Variants in PXDC1 observed in about 807,000 individuals in gnomAD.
PXDC1 encodes the protein PX domain containing 1.
In PXDC1, 13 loss-of-function variants were observed where a neutral mutation model predicts 24.4. The ratio of observed to expected loss-of-function variants is 0.53; its 90% CI spans 0.35 to 0.85. PXDC1 has a LOEUF of 0.85. Ranked by LOEUF, PXDC1 falls within the 40% of genes least tolerant of loss-of-function variation. The pLI is 0.01. For synonymous variants in PXDC1, 162 were observed against 124.9 expected (o/e 1.30, Z -1.98); for missense variants, 344 against 309.3 (o/e 1.11, Z -0.84).
chr6:3,751,185 C>T lies in PXDC1; in HGVS notation c.256+91G>A, dbSNP rs113900187. 1,409 of 1,016,904 alleles carry T rather than the reference C, an allele frequency of 1.4e-3. 16 individuals are homozygous for T. In the African/African-American group the frequency reaches 0.022, roughly 16 times the overall value. The allele number at this position is 1,016,904 out of a possible 1,614,324, so 63.0% of individuals were successfully genotyped here. ...TCCAGGGCGGGCAGAAAGGAGAAGT[C>T]GCAATCTCGGTTGAAGTCTCTTCCC... is the stretch of plus-strand genomic sequence containing the variant. On this transcript the variant is annotated intron_variant, in intron 1 of 4. Transcript: ENST00000380283.
chr6:3,727,480 G>A, intron 4 of PXDC1, 71 bp downstream of exon 4: 3 of 1,067,374 alleles, frequency 2.8e-6, no homozygotes, highest in Non-Finnish European at 4.3e-6. Flanking sequence ...CATAAGAACA[G>A]TGAGCCCCCA....
chr6:3,729,180 G>C (rs1760141185), intron 3 of PXDC1, among the ~76,000 whole-genome samples: 1 of 152,028 alleles, frequency 6.6e-6, no homozygotes, highest in Admixed American at 6.6e-5. Context: ...ATTTAGCCTG[G>C]TTCATTCCCG....
intron 3 of PXDC1, among the ~76,000 whole-genome samples, chr6:3,731,822 C>A (rs183867522): frequency 5.9e-4 from 90 of 152,220 alleles, no homozygotes; most frequent in African/African-American, 2.0e-3. Context: ...CAGAGTGATT[C>A]GATTGAGGTG....
At position 3,722,702 on chromosome 6, in the gene PXDC1, T is replaced by A. The variant is rs1759966462; in HGVS notation, c.*917A>T. The A allele has an allele frequency of 6.5e-6, 1 of 152,672 alleles. No homozygotes were observed. The highest frequency in any genetic ancestry group is 1.5e-5 in the Non-Finnish European group (1 of 68,038). 9.5% of individuals were successfully genotyped at this position (152,672 alleles called of 1,614,324 possible). ...AGAATTCTCAATAATTTACTATTAT[T>A]TACATTAGCAAATGTCGGTCGTTAG... On this transcript the variant is annotated 3_prime_UTR_variant, in exon 5 of 5. Transcript: ENST00000380283.
intron 1 of PXDC1, among the ~76,000 whole-genome samples, chr6:3,748,055 G>A (rs996790028): frequency 6.6e-6 from 1 of 152,180 alleles, no homozygotes; most frequent in Admixed American, 6.5e-5. Context: ...AAAAAGTCTA[G>A]GAGCCTCAAA....
Position 3,722,716 on chromosome 6 carries a change from G to A in PXDC1, c.*903C>T, listed in dbSNP as rs762747196. 3.9e-5 allele frequency: 6 copies of A among 152,644 alleles called. No individual in the cohort carries two copies. The highest frequency in any genetic ancestry group is 5.9e-5 in the Non-Finnish European group (4 of 68,040). 9.5% of individuals were successfully genotyped at this position (152,644 alleles called of 1,614,324 possible). ...TTTACTATTATTTACATTAGCAAAT[G>A]TCGGTCGTTAGTAGACACTGAGCAG... is the stretch of plus-strand genomic sequence containing the variant. On this transcript the variant is annotated 3_prime_UTR_variant, in exon 5 of 5. Transcript: ENST00000380283.
At chr6:3,727,747 C>T in intron 3 of PXDC1, 85 bp from the exon 4 acceptor site, 1 of 832,696 alleles carries the variant, frequency 1.2e-6, no homozygotes. Context: ...CATCTCCCTG[C>T]TTTCTCCTCC....
At chr6:3,727,498 A>G in intron 4 of PXDC1, 53 bp downstream of exon 4, 1 of 1,314,238 alleles carries the variant, frequency 7.6e-7, no homozygotes, top group Non-Finnish European at 1.1e-6. Context: ...CCATCCCACA[A>G]GGCAAATGGC....
At chr6:3,735,206 T>C (rs1317606843) in intron 3 of PXDC1, among the ~76,000 whole-genome samples, 1 of 152,134 alleles carries the variant, frequency 6.6e-6, no homozygotes, top group Non-Finnish European at 1.5e-5. Flanking sequence ...TTTCAAAATA[T>C]ACGACAGAGC....
intron 1 of PXDC1, among the ~76,000 whole-genome samples, chr6:3,748,023 G>C (rs1397776916): frequency 1.3e-5 from 2 of 152,198 alleles, no homozygotes; most frequent in African/African-American, 2.4e-5. Context: ...CACAAAGCCT[G>C]AAACTATAGA....
At chr6:3,743,827 T>C (rs559618314) in intron 1 of PXDC1, among the ~76,000 whole-genome samples, 38 of 152,310 alleles carry the variant, frequency 2.5e-4, no homozygotes, top group African/African-American at 8.4e-4. Flanking sequence ...CACGCTGCAA[T>C]GCATCAGGGG....
chr6:3,738,293 A>G, intron 1 of PXDC1, 145 bp from the exon 2 acceptor site: 1 of 667,604 alleles, frequency 1.5e-6, no homozygotes, highest in Admixed American at 2.4e-5. Context: ...TTATGCACCT[A>G]TAGCCGCTTT....
At chr6:3,746,828 T>C (rs1315294765) in intron 1 of PXDC1, among the ~76,000 whole-genome samples, 3 of 152,058 alleles carry the variant, frequency 2.0e-5, no homozygotes, top group Non-Finnish European at 4.4e-5. Context: ...GAGAACAGCA[T>C]GAGCAGGTTC....
intron 3 of PXDC1, among the ~76,000 whole-genome samples, chr6:3,736,672 C>T (rs1380554800): frequency 1.3e-5 from 2 of 152,190 alleles, no homozygotes; most frequent in Non-Finnish European, 2.9e-5. Context: ...GCTAAGGAGA[C>T]CTAAAGCCTG....
intron 1 of PXDC1, among the ~76,000 whole-genome samples, chr6:3,741,768 C>T (rs1760453376): frequency 1.3e-5 from 2 of 152,250 alleles, no homozygotes; most frequent in South Asian, 4.1e-4. Context: ...CCCGCCCCCA[C>T]TCAAGAAGTG....
At chr6:3,726,156 T>A (rs1359556707) in intron 4 of PXDC1, among the ~76,000 whole-genome samples, 7 of 152,124 alleles carry the variant, frequency 4.6e-5, no homozygotes, top group African/African-American at 1.7e-4. Flanking sequence ...CACTGCAGAC[T>A]CAGAGCCTGC....
intron 1 of PXDC1, among the ~76,000 whole-genome samples, chr6:3,746,244 G>A (rs562728953): frequency 1.3e-5 from 2 of 152,326 alleles, no homozygotes; most frequent in Admixed American, 1.3e-4. Flanking sequence ...AGATCTGTCG[G>A]GGGGGCAGCA....
rs1759985020 is a variant in PXDC1, at chr6:3,723,465, T to C, written c.*154A>G. Reference sequence around the variant, plus strand: ...CCACTAGGAGCCCCTGCTGCTCCACTTGCAGGACACCCAGGCCTCCTGGCG... The same window carrying C: ...CCACTAGGAGCCCCTGCTGCTCCACCTGCAGGACACCCAGGCCTCCTGGCG... On this transcript the variant is annotated 3_prime_UTR_variant, in exon 5 of 5. Coordinates refer to ENST00000380283, the MANE Select transcript of PXDC1 (RefSeq NM_183373.4). 1.5e-6 allele frequency: 1 copy of C among 680,942 alleles called. No homozygotes were observed. The highest frequency in any genetic ancestry group is 2.7e-6 in the Non-Finnish European group (1 of 377,114). The allele number at this position is 680,942 out of a possible 1,614,324, so 42.2% of individuals were successfully genotyped here. A position where few individuals can be genotyped will look rare whatever the true frequency, so the allele number is the denominator to read the frequency against.
chr6:3,735,413 G>A (rs923798672), intron 3 of PXDC1, among the ~76,000 whole-genome samples: 6 of 152,182 alleles, frequency 3.9e-5, no homozygotes, highest in Non-Finnish European at 8.8e-5. Flanking sequence ...TATGCACAAC[G>A]GAATACTATT....
Sources: gnomAD v4.1 joint callset for allele counts (sites outside exome capture counted in the v4.1 genomes callset) on GRCh38, gnomAD v4.1.1 for gene constraint, MANE v1.5 for transcripts, NCBI Gene and HGNC (gene_info 2026-07-23, HGNC 2026-07-21) for gene names.